SPTBN1: variants seen among roughly 807,000 people sequenced by gnomAD.
SPTBN1 encodes spectrin beta chain, non-erythrocytic 1.
Under a neutral mutation model 266.4 loss-of-function variants are expected in SPTBN1, and 32 were observed. The ratio of observed to expected loss-of-function variants is 0.12; its 90% CI spans 0.09 to 0.16. The LOEUF is 0.16. SPTBN1 is among the 10% of genes least tolerant of loss of function. SPTBN1 has a pLI of 1.00. For missense variants in SPTBN1, 2,296 were observed against 3,067.1 expected, an observed-to-expected ratio of 0.75 and a Z score of 5.94; for synonymous variants, 1,336 against 1,162.2, an observed-to-expected ratio of 1.15 and a Z score of -3.04.
At chr2:54,550,803 C>T (rs1672523170) in intron 2 of SPTBN1, among the ~76,000 whole-genome samples, 1 of 152,174 alleles carries the variant, frequency 6.6e-6, no homozygotes, top group African/African-American at 2.4e-5. Context: ...GGTTGAAAGT[C>T]CCTGCAGAGA....
At chr2:54,589,978 AG>A (rs1558874406) in intron 2 of SPTBN1, among the ~76,000 whole-genome samples, 2 of 152,246 alleles carry the variant, frequency 1.3e-5, no homozygotes, top group South Asian at 4.1e-4. Flanking sequence ...CAACAAATTA[AG>A]TCTTGTGACA....
intron 1 of SPTBN1, among the ~76,000 whole-genome samples, chr2:54,512,177 C>T (rs560605675): frequency 8.5e-5 from 13 of 152,276 alleles, no homozygotes; most frequent in Non-Finnish European, 1.5e-4. Flanking sequence ...CCGCTGCTCA[C>T]CTTCTGCTGT....
At chr2:54,494,999 C>T (rs1418566693) in intron 1 of SPTBN1, among the ~76,000 whole-genome samples, 1 of 151,940 alleles carries the variant, frequency 6.6e-6, no homozygotes, top group Non-Finnish European at 1.5e-5. Context: ...ATCCAGCCTG[C>T]TCACAGTCAA....
chr2:54,612,023 T>G (rs1026267725), intron 3 of SPTBN1, 138 bp from the exon 4 acceptor site: 1 of 797,322 alleles, frequency 1.3e-6, no homozygotes, highest in African/African-American at 1.7e-5. Flanking sequence ...TTGGACTTAA[T>G]GAGTACATGT....
chr2:54,558,124 C>T lies in SPTBN1; in HGVS notation c.148+31558C>T, dbSNP rs1009070199. The T allele has an allele frequency of 1.1e-5, 11 of 985,276 alleles. No individual in the cohort carries two copies. Among genetic ancestry groups the T allele is most frequent in the Admixed American group, 6.1e-5 (1 of 16,268 alleles). The allele number at this position is 985,276 out of a possible 1,614,324, so 61.0% of individuals were successfully genotyped here. On this transcript the variant is annotated intron_variant, in intron 2 of 35. Coordinates refer to ENST00000356805, the MANE Select transcript of SPTBN1 (RefSeq NM_003128.3). The surrounding 1 kb of genome is among the most constrained non-coding windows in gnomAD (Gnocchi z 4.6). Reference sequence around the variant, plus strand: ...TGAGGCTCAACAAAAGATTGTAATTCCAGCAGCTCTGTTTGGGAAGGCACT... The same window carrying T: ...TGAGGCTCAACAAAAGATTGTAATTTCAGCAGCTCTGTTTGGGAAGGCACT...
At chr2:54,463,925 G>A (rs774943424) in intron 1 of SPTBN1, among the ~76,000 whole-genome samples, 5 of 152,174 alleles carry the variant, frequency 3.3e-5, no homozygotes, top group African/African-American at 4.8e-5. Context: ...AATGATATGA[G>A]CAGATAGTTT....
chr2:54,514,820 G>A lies in SPTBN1; in HGVS notation c.-47-11552G>A, dbSNP rs139426739. Among the ~76,000 whole-genome samples, 492 of 152,310 alleles carry A rather than the reference G, an allele frequency of 3.2e-3. 2 individuals carry two copies. The highest frequency in any genetic ancestry group is 0.024 in the Middle Eastern group (7 of 294). ...ACTCCATCTTGCTTCTAACCTCCAA[G>A]CAGTCCTTGCTCTTTCCTGGGCTTA... On this transcript the variant is annotated intron_variant, in intron 1 of 35. Coordinates refer to ENST00000356805, the MANE Select transcript of SPTBN1 (RefSeq NM_003128.3).
chr2:54,623,230 CTTGAT>C (rs1037508367), intron 9 of SPTBN1, among the ~76,000 whole-genome samples: 2 of 152,080 alleles, frequency 1.3e-5, no homozygotes, highest in Non-Finnish European at 2.9e-5. Flanking sequence ...GGGTTTAAAC[CTTGAT>C]TTAAGTGAAT....
At chr2:54,545,124 G>A (rs1017874851) in intron 2 of SPTBN1, among the ~76,000 whole-genome samples, 1 of 152,148 alleles carries the variant, frequency 6.6e-6, no homozygotes, top group African/African-American at 2.4e-5. Flanking sequence ...TTTTATGGCT[G>A]CATAGTATTC....
At chr2:54,470,859 G>T (rs1471958141) in intron 1 of SPTBN1, among the ~76,000 whole-genome samples, 1 of 152,184 alleles carries the variant, frequency 6.6e-6, no homozygotes, top group Non-Finnish European at 1.5e-5. Context: ...TAAATACTGA[G>T]ATTATCCTTT....
intron 1 of SPTBN1, among the ~76,000 whole-genome samples, chr2:54,507,882 AAAG>A (rs911702606): frequency 4.0e-5 from 6 of 151,320 alleles, no homozygotes; most frequent in African/African-American, 1.5e-4. Context: ...ATTGTTTGTT[AAAG>A]AAGGATTAGA....
Position 54,629,934 on chromosome 2 carries a change from G to C in SPTBN1, c.2712G>C (p.Arg904=), listed in dbSNP as rs373724745. The C allele has an allele frequency of 1.9e-6, 3 of 1,614,126 alleles. No homozygotes were observed. In the East Asian group the frequency reaches 6.7e-5, roughly 36 times the overall value. ...CAGAAATGAACAACCAGGCTTCCCG[G>C]GTTGCAGTGGTGAACCAGATTGCAC... The part of the protein sequence containing the change: ...LEPEMNNQAS[R]VAVVNQIARQ... Residue 904 remains arginine (R), a synonymous_variant, in exon 15 of 36, where the codon CGG becomes CGC. Coordinates refer to ENST00000356805, the MANE Select transcript of SPTBN1 (RefSeq NM_003128.3).
chr2:54,645,113 G>A lies in SPTBN1; in HGVS notation c.4270-116G>A, dbSNP rs1230000739. 5.0e-6 allele frequency: 5 copies of A among 995,858 alleles called. No homozygotes were observed. Among genetic ancestry groups the A allele is most frequent in the Non-Finnish European group, 7.5e-6 (5 of 666,126 alleles). 61.7% of individuals were successfully genotyped at this position (995,858 alleles called of 1,614,324 possible). On this transcript the variant is annotated intron_variant, in intron 20 of 35. Transcript: ENST00000356805. This position sits in a 1 kb window ranked among gnomAD's most constrained non-coding sequence, Gnocchi z 4.3. ...AAGTCAGTGGCAAAATGTTTGAGTG[G>A]CTCCCATGGCTGGCTTTGCGGTGTG...
Position 54,630,749 on chromosome 2 carries a change from A to C in SPTBN1, c.2808-106A>C, listed in dbSNP as rs986268962. Reference sequence around the variant, plus strand: ...AAAAAAGCATGTAGTCAAAGCACAGATGGAGAAAACAGATAAGCAGCATTA... The same window carrying C: ...AAAAAAGCATGTAGTCAAAGCACAGCTGGAGAAAACAGATAAGCAGCATTA... On this transcript the variant is annotated intron_variant, in intron 15 of 35. Coordinates refer to ENST00000356805, the MANE Select transcript of SPTBN1 (RefSeq NM_003128.3). The C allele has an allele frequency of 5.2e-6, 7 of 1,353,114 alleles. No homozygotes were observed. The East Asian group carries it at 1.8e-4, about 34-fold the overall frequency. The allele number at this position is 1,353,114 out of a possible 1,614,324, so 83.8% of individuals were successfully genotyped here. A position where few individuals can be genotyped will look rare whatever the true frequency, so the allele number is the denominator to read the frequency against.
At chr2:54,662,923 A>G in intron 32 of SPTBN1, 1 of 151,944 alleles carries the variant, frequency 6.6e-6, no homozygotes, top group East Asian at 1.9e-4. Context: ...CTAATAATCC[A>G]TTTTCCACAT....
intron 26 of SPTBN1, 105 bp downstream of exon 26, chr2:54,650,094 G>C: frequency 7.0e-7 from 1 of 1,434,634 alleles, no homozygotes. Flanking sequence ...CAAAAGAATT[G>C]CCCCAATTAA....
In SPTBN1 at chr2:54,549,472, A is replaced by G. The variant is rs530141670; in HGVS notation, c.148+22906A>G. On this transcript the variant is annotated intron_variant, in intron 2 of 35. Transcript: ENST00000356805. The stretch of plus-strand genomic sequence containing the variant: ...TTTCGGATCCTTTGGTTTTAGGGAA[A>G]ACATTGGAAAAGCCAAGTGAATGGC... Among the ~76,000 whole-genome samples the G allele has an allele frequency of 4.9e-4, 74 of 152,310 alleles. 1 individual carries two copies. Among genetic ancestry groups the G allele is most frequent in the African/African-American group, 1.7e-3 (71 of 41,552 alleles).
intron 1 of SPTBN1, among the ~76,000 whole-genome samples, chr2:54,498,984 T>C (rs538039364): frequency 6.6e-6 from 1 of 151,434 alleles, no homozygotes; most frequent in East Asian, 2.0e-4. Flanking sequence ...CAGGAGACTT[T>C]GCATTTGCTC....
At chr2:54,526,635 C>T (rs1670832253) in intron 2 of SPTBN1, 69 bp downstream of exon 2, 3 of 1,530,316 alleles carry the variant, frequency 2.0e-6, no homozygotes, top group Admixed American at 2.0e-5. Context: ...AAATCATCCA[C>T]CCTGTTCCCA....
Sources: gnomAD v4.1 joint callset for allele counts (sites outside exome capture counted in the v4.1 genomes callset) on GRCh38, gnomAD v4.1.1 for gene constraint, Gnocchi (gnomAD v3.1) non-coding constraint, MANE v1.5 for transcripts, NCBI Gene and HGNC (gene_info 2026-07-23, HGNC 2026-07-21) for gene names.